Variants in IL1RAPL1 observed in about 807,000 individuals in gnomAD.
IL1RAPL1 encodes interleukin-1 receptor accessory protein-like 1.
Under a neutral mutation model 48.4 loss-of-function variants are expected in IL1RAPL1, and 3 were observed. That is an observed-to-expected ratio of 0.06 (90% CI 0.03 to 0.16). The LOEUF (loss-of-function observed/expected upper bound fraction) is 0.16. IL1RAPL1 is among the 10% of genes least tolerant of loss of function. The pLI, the probability that IL1RAPL1 is intolerant of heterozygous loss-of-function variation, is 1.00. For synonymous variants in IL1RAPL1, 185 were observed against 187.7 expected (o/e 0.99, Z 0.12); for missense variants, 349 against 530.6 (o/e 0.66, Z 3.36).
In IL1RAPL1 at chrX:29,472,085, T is replaced by G. The variant is rs139602000; in HGVS notation, c.703+72777T>G. On this transcript the variant is annotated intron_variant, in intron 5 of 10. Coordinates refer to ENST00000378993, the MANE Select transcript of IL1RAPL1 (RefSeq NM_014271.4). ...CTCTTCAGCCTACTCCAGTTTGATT[T>G]CTGCTCCAGTCACTTCCCTAAAATG... 5.0e-3 allele frequency among the ~76,000 whole-genome samples: 564 copies of G among 111,876 alleles called. 4 individuals are homozygous for G. The highest frequency in any genetic ancestry group is 0.017 in the African/African-American group (509 of 30,804).
At chrX:28,981,090 C>CAAAAAAAAAAAA (rs57824632) in intron 2 of IL1RAPL1, among the ~76,000 whole-genome samples, 3 of 24,323 alleles carry the variant, frequency 1.2e-4, no homozygotes, top group African/African-American at 4.2e-4. Context: ...GACCCTGTCT[C>CAAAAAAAAAAAA]AAAAAAAAAA....
rs748937611 is a variant in IL1RAPL1 at position 28,762,811 on chromosome X, CACACACACACACAGAGAGAGAGAGAGAG to C, written c.-24-26507_-24-26480del. Among the ~76,000 whole-genome samples, 554 of 71,685 alleles carry C rather than the reference CACACACACACACAGAGAGAGAGAGAGAG, an allele frequency of 7.7e-3. 2 individuals are homozygous for C. The highest frequency in any genetic ancestry group is 0.041 in the Middle Eastern group (4 of 97). 62.2% of individuals were successfully genotyped at this position (71,685 alleles called of 115,157 possible). A position where few individuals can be genotyped will look rare whatever the true frequency, so the allele number is the denominator to read the frequency against. ...GCACACACACACACACACACACACA[CACACACACACACAGAGAGAGAGAGAGAG>C]AGAGAGAGAGAGAAGCTTGTTTCAC... is the stretch of plus-strand genomic sequence containing the variant. On this transcript the variant is annotated intron_variant, in intron 1 of 10. Coordinates refer to ENST00000378993, the MANE Select transcript of IL1RAPL1 (RefSeq NM_014271.4).
At chrX:29,154,767 A>G in intron 2 of IL1RAPL1, among the ~76,000 whole-genome samples, 1 of 111,794 alleles carries the variant, frequency 8.9e-6, no homozygotes, top group East Asian at 2.8e-4. Context: ...ATGAAGAACC[A>G]GAATGTATAA....
chrX:29,003,976 T>C (rs1223249790), intron 2 of IL1RAPL1, among the ~76,000 whole-genome samples: 1 of 111,451 alleles, frequency 9.0e-6, no homozygotes, highest in East Asian at 2.8e-4. Flanking sequence ...ACCCCGTCTC[T>C]ACTAAAACTA....
chrX:28,745,485 G>A (rs1338495774), intron 1 of IL1RAPL1, among the ~76,000 whole-genome samples: 1 of 111,512 alleles, frequency 9.0e-6, no homozygotes, highest in African/African-American at 3.3e-5. Context: ...GGAATAAAAG[G>A]GATTTTTTTG....
rs1156898487 is a variant in IL1RAPL1, at chrX:28,840,746, TC to T, written c.82+51323del. ...TTCTATGTCTTAAAAGACTTAAGCT[TC>T]CGTGTCTAAGTTGTACTTCCCAATG... On this transcript the variant is annotated intron_variant, in intron 2 of 10. Coordinates refer to ENST00000378993, the MANE Select transcript of IL1RAPL1 (RefSeq NM_014271.4). 2.7e-5 allele frequency among the ~76,000 whole-genome samples: 3 copies of T among 110,739 alleles called. No homozygotes were observed. The East Asian group carries it at 8.5e-4, about 31-fold the overall frequency.
chrX:28,867,455 A>G (rs1331067570), intron 2 of IL1RAPL1, among the ~76,000 whole-genome samples: 1 of 111,756 alleles, frequency 8.9e-6, no homozygotes, highest in Non-Finnish European at 1.9e-5. Flanking sequence ...GCAGTCCTGG[A>G]CTTTTCGCCT....
intron 2 of IL1RAPL1, among the ~76,000 whole-genome samples, chrX:29,132,358 A>G (rs978713722): frequency 1.8e-5 from 2 of 112,176 alleles, no homozygotes; most frequent in Non-Finnish European, 3.8e-5. Flanking sequence ...GCCTAATGAC[A>G]TCATATTTTC....
intron 2 of IL1RAPL1, among the ~76,000 whole-genome samples, chrX:28,973,706 T>C (rs1925138241): frequency 8.9e-6 from 1 of 112,206 alleles, no homozygotes; most frequent in Non-Finnish European, 1.9e-5. Flanking sequence ...TTAATGATTC[T>C]CTGTAATTTT....
At chrX:28,633,837 G>A (rs1402884051) in intron 1 of IL1RAPL1, among the ~76,000 whole-genome samples, 12 of 111,579 alleles carry the variant, frequency 1.1e-4, no homozygotes, top group Non-Finnish European at 1.9e-5. Context: ...AATTTAATTT[G>A]TTAAAGTTTT....
At chrX:29,598,522 T>C (rs1923623295) in intron 5 of IL1RAPL1, among the ~76,000 whole-genome samples, 1 of 112,121 alleles carries the variant, frequency 8.9e-6, no homozygotes, top group African/African-American at 3.2e-5. Context: ...TAGAATGTTC[T>C]GTAAATATCT....
intron 1 of IL1RAPL1, among the ~76,000 whole-genome samples, chrX:28,708,769 G>T (rs761017713): frequency 9.0e-6 from 1 of 111,376 alleles, no homozygotes; most frequent in Non-Finnish European, 1.9e-5. Flanking sequence ...TCACATGGAG[G>T]TAGAGAATGG....
At chrX:28,602,295 C>A (rs1170426095) in intron 1 of IL1RAPL1, among the ~76,000 whole-genome samples, 2 of 111,329 alleles carry the variant, frequency 1.8e-5, no homozygotes, top group African/African-American at 6.5e-5. Context: ...GCTGTTTTTT[C>A]ATTAAATATA....
intron 2 of IL1RAPL1, among the ~76,000 whole-genome samples, chrX:29,170,933 T>C (rs772188456): frequency 2.2e-4 from 24 of 111,505 alleles, no homozygotes; most frequent in African/African-American, 7.8e-4. Context: ...GACCATGATT[T>C]GAATTTTATA....
At chrX:29,729,279 C>T (rs979627892) in intron 6 of IL1RAPL1, among the ~76,000 whole-genome samples, 7 of 111,290 alleles carry the variant, frequency 6.3e-5, no homozygotes, top group South Asian at 3.8e-4. Context: ...CCATTTTTCC[C>T]TCTGCATGCC....
chrX:28,890,536 A>C (rs1922745356), intron 2 of IL1RAPL1, among the ~76,000 whole-genome samples: 1 of 111,851 alleles, frequency 8.9e-6, no homozygotes, highest in African/African-American at 3.2e-5. Flanking sequence ...TTTCTATTGG[A>C]AAAACTTTTG....
intron 2 of IL1RAPL1, among the ~76,000 whole-genome samples, chrX:29,164,289 G>A (rs1929743622): frequency 9.0e-6 from 1 of 111,673 alleles, no homozygotes; most frequent in African/African-American, 3.3e-5. Context: ...AGCCAAGACT[G>A]TGTACTATTC....
At chrX:29,419,082 C>T (rs1230167022) in intron 5 of IL1RAPL1, among the ~76,000 whole-genome samples, 2 of 111,683 alleles carry the variant, frequency 1.8e-5, no homozygotes, top group Non-Finnish European at 3.8e-5. Context: ...ATAGCTACTT[C>T]TGGTGCTGTT....
At chrX:28,911,421 G>A (rs1213600763) in intron 2 of IL1RAPL1, among the ~76,000 whole-genome samples, 3 of 110,673 alleles carry the variant, frequency 2.7e-5, no homozygotes, top group Non-Finnish European at 5.7e-5. Context: ...AAGCAAGGAG[G>A]GGCGGTGTGT....
Sources: allele counts gnomAD v4.1 joint callset (sites outside exome capture counted in the v4.1 genomes callset), GRCh38; gene constraint gnomAD v4.1.1; transcripts MANE v1.5; gene names NCBI Gene and HGNC (gene_info 2026-07-23, HGNC 2026-07-21).